The following WWP2 variants were observed in gnomAD, a reference collection of about 807,000 sequenced individuals.
The protein encoded by WWP2 is WW domain containing E3 ubiquitin protein ligase 2, also known as NEDD4-like E3 ubiquitin-protein ligase WWP2.
WWP2 carries 57 observed loss-of-function variants against 121.0 expected under a neutral mutation model. The ratio of observed to expected loss-of-function variants is 0.47; its 90% confidence interval spans 0.38 to 0.59. The LOEUF is 0.59. Ranked by LOEUF, WWP2 falls within the 20% of genes least tolerant of loss-of-function variation. WWP2 has a pLI of 0.00. For missense variants in WWP2, 962 were observed against 1,158.9 expected, an observed-to-expected ratio of 0.83 and a Z score of 2.47; for synonymous variants, 449 against 441.3, an observed-to-expected ratio of 1.02 and a Z score of -0.22.
chr16:69,928,313 G>A (rs1218754688), intron 11 of WWP2, among the ~76,000 whole-genome samples: 1 of 152,118 alleles, frequency 6.6e-6, no homozygotes, highest in Non-Finnish European at 1.5e-5. Flanking sequence ...GAACTTCCTG[G>A]GAAAGGTGAC....
At chr16:69,841,346 T>G (rs1270197463) in intron 5 of WWP2, among the ~76,000 whole-genome samples, 1 of 151,970 alleles carries the variant, frequency 6.6e-6, no homozygotes, top group African/African-American at 2.4e-5. Context: ...TCAGGGAAGG[T>G]TTCTCTGAGG....
intron 7 of WWP2, among the ~76,000 whole-genome samples, chr16:69,877,767 G>A (rs1013608122): frequency 1.1e-4 from 17 of 152,036 alleles, no homozygotes; most frequent in African/African-American, 2.7e-4. Context: ...TGGTGGAGCC[G>A]TCAGAACACA....
intron 1 of WWP2, among the ~76,000 whole-genome samples, chr16:69,786,391 G>T (rs556346426): frequency 6.9e-6 from 1 of 145,614 alleles, no homozygotes; most frequent in Non-Finnish European, 1.5e-5. Context: ...TAATCCACCC[G>T]CCTCCCAAAG....
At chr16:69,912,038 C>G (rs1242935872) in intron 9 of WWP2, among the ~76,000 whole-genome samples, 4 of 152,038 alleles carry the variant, frequency 2.6e-5, no homozygotes, top group Admixed American at 6.6e-5. Context: ...GCCTGTAATC[C>G]CAGCACTTTG....
At chr16:69,894,730 C>T (rs1420059820) in intron 8 of WWP2, among the ~76,000 whole-genome samples, 1 of 152,184 alleles carries the variant, frequency 6.6e-6, no homozygotes, top group Admixed American at 6.5e-5. Context: ...TCTGTTTTTT[C>T]TCAGCGCTCA....
chr16:69,795,259 T>TGC (rs148604553), intron 2 of WWP2, among the ~76,000 whole-genome samples: 2 of 92,964 alleles, frequency 2.2e-5, no homozygotes, highest in African/African-American at 5.3e-5. Context: ...AAAATGCGGA[T>TGC]ACACACACAC....
At chr16:69,771,853 T>A (rs2055422878) in intron 1 of WWP2, among the ~76,000 whole-genome samples, 1 of 152,008 alleles carries the variant, frequency 6.6e-6, no homozygotes. Context: ...AGACTTTCAC[T>A]GTCTCGCTGG....
chr16:69,784,925 T>G (rs2055750174), intron 1 of WWP2, among the ~76,000 whole-genome samples: 1 of 148,370 alleles, frequency 6.7e-6, no homozygotes, highest in African/African-American at 2.5e-5. Context: ...AAATATGAGT[T>G]TTTTTTTTTT....
chr16:69,893,079 C>G (rs2058054141), intron 8 of WWP2, among the ~76,000 whole-genome samples: 1 of 152,218 alleles, frequency 6.6e-6, no homozygotes, highest in Non-Finnish European at 1.5e-5. Context: ...TTAGGATCCT[C>G]CCCCATGCTG....
At position 69,937,302 on chromosome 16, in the gene WWP2, C is replaced by T. The variant is rs540782751; in HGVS notation, c.2238+64C>T. ...TCTGGGGCGATCCTGCTCTGTGATA[C>T]GCTCACTGTGTACCCACAGACACTC... On this transcript the variant is annotated intron_variant, in intron 20 of 23. Coordinates refer to ENST00000359154, the MANE Select transcript of WWP2 (RefSeq NM_001270454.2). The surrounding 1 kb of genome is among the most constrained non-coding windows in gnomAD (Gnocchi z 6.6). 67 of 1,592,046 alleles carry T rather than the reference C, an allele frequency of 4.2e-5. No individual in the cohort carries two copies. The East Asian group carries it at 9.2e-4, about 22-fold the overall frequency.
At chr16:69,829,535 CACA>C (rs2056758879) in intron 4 of WWP2, among the ~76,000 whole-genome samples, 1 of 152,168 alleles carries the variant, frequency 6.6e-6, no homozygotes, top group Non-Finnish European at 1.5e-5. Flanking sequence ...GACCTTTGCA[CACA>C]ACATTTCCCC....
intron 13 of WWP2, 89 bp downstream of exon 13, chr16:69,930,347 C>T: frequency 1.3e-6 from 2 of 1,559,484 alleles, no homozygotes; most frequent in South Asian, 1.2e-5. Context: ...TTTGGGTGGC[C>T]CCTGTGGTGC....
intron 17 of WWP2, among the ~76,000 whole-genome samples, chr16:69,934,708 G>C (rs12932286): frequency 0.8 from 120,778 of 151,258 alleles, 48,646 homozygotes; most frequent in East Asian, 0.96. Context: ...CTGTGGCCCA[G>C]AGACCCTGGG....
At chr16:69,906,887 AT>A (rs1172849090) in intron 8 of WWP2, among the ~76,000 whole-genome samples, 1 of 152,254 alleles carries the variant, frequency 6.6e-6, no homozygotes, top group Non-Finnish European at 1.5e-5. Flanking sequence ...CTTTAAAAAA[AT>A]AAAAAGAAAA....
rs2056110503 is a variant in WWP2, at chr16:69,799,156, C to G, written c.219-18C>G. Reference sequence around the variant, plus strand: ...AATGATCTGCTTGGATGTAATGAATCAGGTATTTGTTTTTCAGGAATGTCA... The same window carrying G: ...AATGATCTGCTTGGATGTAATGAATGAGGTATTTGTTTTTCAGGAATGTCA... On this transcript the variant is annotated intron_variant, in intron 3 of 23. Transcript: ENST00000359154. The surrounding 1 kb of genome is among the most constrained non-coding windows in gnomAD (Gnocchi z 4.5). 3 of 1,606,016 alleles carry G rather than the reference C, an allele frequency of 1.9e-6. No homozygotes were observed. The highest frequency in any genetic ancestry group is 8.5e-7 in the Non-Finnish European group (1 of 1,176,862).
intron 1 of WWP2, among the ~76,000 whole-genome samples, chr16:69,778,194 T>TATATA (rs1376050437): frequency 1.8e-5 from 2 of 112,300 alleles, no homozygotes; most frequent in East Asian, 3.1e-4. Context: ...ATATATATAT[T>TATATA]TTTTTTTTTT....
chr16:69,938,473 G>T (rs2058832746), intron 21 of WWP2, among the ~76,000 whole-genome samples: 1 of 152,206 alleles, frequency 6.6e-6, no homozygotes, highest in African/African-American at 2.4e-5. Context: ...TAAAAAATTA[G>T]CCAGGCATGG....
intron 10 of WWP2, among the ~76,000 whole-genome samples, chr16:69,923,968 G>A (rs76384477): frequency 0.011 from 1,673 of 151,692 alleles, 12 homozygotes; most frequent in South Asian, 0.037. Flanking sequence ...TTTCAGTAAT[G>A]ATTCAACGTG....
chr16:69,887,975 T>C, intron 7 of WWP2, 64 bp from the exon 8 acceptor site: 1 of 1,581,176 alleles, frequency 6.3e-7, no homozygotes, highest in Admixed American at 1.7e-5. Flanking sequence ...GTGAAAAACC[T>C]AGCAAGTATA....
Sources: allele counts gnomAD v4.1 joint callset (sites outside exome capture counted in the v4.1 genomes callset), GRCh38; gene constraint gnomAD v4.1.1; non-coding constraint Gnocchi (gnomAD v3.1); transcripts MANE v1.5; gene names NCBI Gene and HGNC (gene_info 2026-07-23, HGNC 2026-07-21).